STXBP4: variants seen among roughly 807,000 people sequenced by gnomAD.
STXBP4 encodes the protein syntaxin-binding protein 4.
In STXBP4, 55 loss-of-function variants were observed where a neutral mutation model predicts 76.1. That is an observed-to-expected ratio of 0.72 (90% CI 0.58 to 0.91). The LOEUF (loss-of-function observed/expected upper bound fraction) is 0.91, where lower values mean the gene tolerates loss of function less well. Among genes scored for constraint, STXBP4 ranks in the 40% least tolerant of loss-of-function variants. The probability of loss-of-function intolerance (pLI) is 0.00; values close to 1 mark genes in which losing one functional copy is unlikely to be tolerated. For missense variants in STXBP4, 618 were observed against 636.9 expected (o/e 0.97, Z 0.32); for synonymous variants, 201 against 220.2 (o/e 0.91, Z 0.77).
intron 16 of STXBP4, among the ~76,000 whole-genome samples, chr17:55,106,425 C>A (rs1183201624): frequency 2.0e-5 from 3 of 151,922 alleles, no homozygotes; most frequent in Non-Finnish European, 4.4e-5. Flanking sequence ...AATTTGCCCA[C>A]CTTTGTCTTT....
At chr17:55,065,755 G>A (rs1176524282) in intron 12 of STXBP4, among the ~76,000 whole-genome samples, 6 of 152,024 alleles carry the variant, frequency 3.9e-5, no homozygotes, top group East Asian at 1.9e-4. Flanking sequence ...TCAATTAGAT[G>A]TATTTTTATA....
In STXBP4 at chr17:54,990,931, A is replaced by C. The variant is rs748323991; in HGVS notation, c.154A>C (p.Ile52Leu). ...AGGCCCATTGGTATATATTCAGGAA[A>C]TTATTCCTGGAGGAGACTGTTATAA... is the stretch of plus-strand genomic sequence containing the variant. Reference protein sequence around the residue: ...NEGPLVYIQEIIPGGDCYKDG... With the variant: ...NEGPLVYIQELIPGGDCYKDG... Residue 52 changes from isoleucine (I) to leucine (L), a missense_variant, in exon 4 of 18, where the codon ATT (isoleucine) becomes CTT (leucine). By Grantham distance (5) the Ile-to-Leu change is conservative. Coordinates refer to ENST00000376352, the MANE Select transcript of STXBP4 (RefSeq NM_178509.6). 3.1e-6 allele frequency: 5 copies of C among 1,591,614 alleles called. No individual in the cohort carries two copies. The highest frequency in any genetic ancestry group is 2.7e-5 in the African/African-American group (2 of 73,378).
rs572206845 is a variant in STXBP4 at position 55,067,708 on chromosome 17, AAAG to A, written c.1012-5189_1012-5187del. 6.2e-3 allele frequency among the ~76,000 whole-genome samples: 938 copies of A among 152,304 alleles called. 7 individuals carry two copies. The highest frequency in any genetic ancestry group is 8.8e-3 in the Non-Finnish European group (599 of 68,014). On this transcript the variant is annotated intron_variant, in intron 12 of 17. Coordinates refer to ENST00000376352, the MANE Select transcript of STXBP4 (RefSeq NM_178509.6). ...CTTTCAGAAGTATGCAGAATACAAT[AAAG>A]AACACAGTAGGCAGGGTGATCACAT...
In STXBP4 at chr17:55,031,178, A is replaced by G. The variant is rs1220665127; in HGVS notation, c.677A>G (p.Tyr226Cys). 1 of 1,613,034 alleles carries G rather than the reference A, an allele frequency of 6.2e-7. No homozygotes were observed. The highest frequency in any genetic ancestry group is 8.5e-7 in the Non-Finnish European group (1 of 1,179,228). ...KAEKLEMALN[Y>C]LGIQPTKEQH... Reference sequence around the variant, plus strand: ...TCCTTTATCTTCCAGGCTCTAAATTATCTTGGTATTCAGCCCACAAAGGAA... The same window carrying G: ...TCCTTTATCTTCCAGGCTCTAAATTGTCTTGGTATTCAGCCCACAAAGGAA... The change falls in exon 9 of 18, where the codon TAT becomes TGT. Residue 226 changes from tyrosine to cysteine, a missense_variant. Transcript: ENST00000376352.
chr17:54,980,584 G>C (rs543378238), intron 1 of STXBP4, among the ~76,000 whole-genome samples: 2 of 152,312 alleles, frequency 1.3e-5, no homozygotes, highest in South Asian at 4.1e-4. Flanking sequence ...GTTTTCCATC[G>C]TTTCCTTGGT....
At chr17:55,025,795 G>A (rs1012577042) in intron 8 of STXBP4, among the ~76,000 whole-genome samples, 1 of 152,076 alleles carries the variant, frequency 6.6e-6, no homozygotes, top group Non-Finnish European at 1.5e-5. Flanking sequence ...AGGATAATTA[G>A]ACAAGAAAAA....
At chr17:55,185,045 A>T in the STXBP4 span, among the ~76,000 whole-genome samples, 4 of 151,784 alleles carry the variant, frequency 2.6e-5, no homozygotes, top group Non-Finnish European at 5.9e-5. Context: ...TAATTTTTGT[A>T]TTTTTTGTAG....
At chr17:55,119,623 T>G (rs992216133) in intron 16 of STXBP4, among the ~76,000 whole-genome samples, 2 of 151,964 alleles carry the variant, frequency 1.3e-5, no homozygotes, top group African/African-American at 4.8e-5. Flanking sequence ...TAAAAAAGAT[T>G]GGAAAATGAA....
intron 16 of STXBP4, among the ~76,000 whole-genome samples, chr17:55,101,273 G>T (rs2079561202): frequency 6.6e-6 from 1 of 152,088 alleles, no homozygotes; most frequent in African/African-American, 2.4e-5. Flanking sequence ...TACATTCTTA[G>T]GGCTTTTAGG....
chr17:55,027,631 A>G (rs1390092567), intron 8 of STXBP4, among the ~76,000 whole-genome samples: 3 of 152,224 alleles, frequency 2.0e-5, no homozygotes, highest in African/African-American at 4.8e-5. Context: ...CTTACTGTAG[A>G]GTGAAAAAAG....
intron 17 of STXBP4, among the ~76,000 whole-genome samples, chr17:55,154,480 G>A (rs244288): frequency 0.65 from 98,585 of 152,114 alleles, 32,971 homozygotes; most frequent in African/African-American, 0.82. Context: ...ATTAGTATCT[G>A]ATAATTCAGT....
chr17:55,064,471 A>T (rs969119026), intron 12 of STXBP4, among the ~76,000 whole-genome samples: 1 of 152,054 alleles, frequency 6.6e-6, no homozygotes, highest in Admixed American at 6.6e-5. Flanking sequence ...ATTCTGGGGC[A>T]TATTTCCCTC....
rs1029562978 is a variant in STXBP4 at position 54,999,457 on chromosome 17, T to A, written c.287+6T>A. 3 of 1,602,768 alleles carry A rather than the reference T, an allele frequency of 1.9e-6. No homozygotes were observed. The highest frequency in any genetic ancestry group is 2.6e-6 in the Non-Finnish European group (3 of 1,172,476). On this transcript the variant is annotated splice_donor_region_variant and intron_variant, in intron 5 of 17. Transcript: ENST00000376352. ...ATTACCGGAGCCAAGTTGAGGTAAC[T>A]ATACTATCCATGAGATAGAATGAGT...
At chr17:55,054,534 G>C (rs117317782) in intron 12 of STXBP4, among the ~76,000 whole-genome samples, 2,989 of 152,194 alleles carry the variant, frequency 0.02, 90 homozygotes, top group Non-Finnish European at 0.018. Context: ...AAGGATAAGT[G>C]CAGTAGATAA....
At chr17:55,150,132 C>A (rs761835174) in intron 17 of STXBP4, among the ~76,000 whole-genome samples, 2 of 152,148 alleles carry the variant, frequency 1.3e-5, no homozygotes, top group Non-Finnish European at 2.9e-5. Flanking sequence ...CTAACAAATA[C>A]TTTTTGTCAA....
chr17:55,075,265 A>G (rs1174520261), intron 13 of STXBP4, among the ~76,000 whole-genome samples: 1 of 152,120 alleles, frequency 6.6e-6, no homozygotes, highest in Admixed American at 6.6e-5. Flanking sequence ...CTGTTTATCA[A>G]CTTTATATAA....
chr17:55,072,361 G>C (rs1256034582), intron 12 of STXBP4, among the ~76,000 whole-genome samples: 1 of 152,112 alleles, frequency 6.6e-6, no homozygotes, highest in Admixed American at 6.6e-5. Flanking sequence ...TCAACAACAC[G>C]ATTATGTACT....
At chr17:54,984,303 G>A (rs919801941) in intron 1 of STXBP4, among the ~76,000 whole-genome samples, 1 of 145,678 alleles carries the variant, frequency 6.9e-6, no homozygotes, top group African/African-American at 2.5e-5. Flanking sequence ...TTGTTTCTGA[G>A]TCTTCAATTT....
chr17:55,032,406 G>T (rs1254889838), intron 9 of STXBP4, among the ~76,000 whole-genome samples: 1 of 152,156 alleles, frequency 6.6e-6, no homozygotes, highest in African/African-American at 2.4e-5. Flanking sequence ...GGTGAGGAAA[G>T]TAAATTTGTG....
Sources: gnomAD v4.1 joint callset for allele counts (sites outside exome capture counted in the v4.1 genomes callset) on GRCh38, gnomAD v4.1.1 for gene constraint, MANE v1.5 for transcripts, NCBI Gene and HGNC (gene_info 2026-07-23, HGNC 2026-07-21) for gene names.